HIVEP1: variants seen among roughly 807,000 people sequenced by gnomAD.
The protein encoded by HIVEP1 is zinc finger protein 40.
HIVEP1 carries 36 observed loss-of-function variants against 180.0 expected under a neutral mutation model. The ratio of observed to expected loss-of-function variants is 0.20; its 90% CI spans 0.15 to 0.26. HIVEP1 has a LOEUF of 0.26. Among genes scored for constraint, HIVEP1 ranks in the 10% least tolerant of loss-of-function variants. The pLI is 1.00. For synonymous variants in HIVEP1, 1,239 were observed against 1,239.0 expected (o/e 1.00, Z 0.00); for missense variants, 3,143 against 3,268.7 (o/e 0.96, Z 0.94).
At chr6:12,060,861 TTAAG>T (rs1206104261) in intron 2 of HIVEP1, among the ~76,000 whole-genome samples, 3 of 152,074 alleles carry the variant, frequency 2.0e-5, no homozygotes, top group Non-Finnish European at 4.4e-5. Flanking sequence ...AAGAAGGAAA[TTAAG>T]TAGGGAGGGA....
chr6:12,125,791 T>C lies in HIVEP1; in HGVS notation c.5996T>C (p.Leu1999Pro), dbSNP rs1173756904. The C allele has an allele frequency of 1.2e-6, 2 of 1,613,812 alleles. No homozygotes were observed. The part of the protein sequence containing the change: ...LNSKQNTGKS[L>P]YCQAITTHSK... ...TCAAAACAGAACACTGGAAAATCAC[T>C]ATACTGTCAAGCAATAACTACCCAT... The change falls in exon 4 of 9, where the codon CTA becomes CCA. Residue 1999 changes from leucine (L) to proline (P), a missense_variant. By Grantham distance (98) the Leu-to-Pro change is moderately conservative (BLOSUM62 -3). Transcript: ENST00000379388.
intron 2 of HIVEP1, among the ~76,000 whole-genome samples, chr6:12,031,545 CA>C (rs1313132297): frequency 6.6e-6 from 1 of 152,184 alleles, no homozygotes; most frequent in African/African-American, 2.4e-5. Flanking sequence ...GACTGTGCTC[CA>C]AATCTGGTGA....
chr6:12,109,762 CCTCCT>C (rs1774765549), intron 3 of HIVEP1, among the ~76,000 whole-genome samples: 1 of 152,182 alleles, frequency 6.6e-6, no homozygotes, highest in African/African-American at 2.4e-5. Flanking sequence ...GCCATTTTGA[CCTCCT>C]CTCATCAATC....
chr6:12,102,169 C>T (rs114424920), intron 3 of HIVEP1, among the ~76,000 whole-genome samples: 1,604 of 152,116 alleles, frequency 0.011, 29 homozygotes, highest in African/African-American at 0.036. Flanking sequence ...TTCATTACCC[C>T]ACTGTTAACA....
At chr6:12,077,743 A>G (rs973455702) in intron 2 of HIVEP1, among the ~76,000 whole-genome samples, 5 of 152,246 alleles carry the variant, frequency 3.3e-5, no homozygotes, top group Admixed American at 2.0e-4. Context: ...TGAGACTTCT[A>G]GAAGAAATGT....
At chr6:12,145,118 C>T (rs542124535) in intron 7 of HIVEP1, among the ~76,000 whole-genome samples, 19 of 152,302 alleles carry the variant, frequency 1.2e-4, no homozygotes, top group African/African-American at 4.3e-4. Context: ...TTGGAACCAA[C>T]CCAGATGTCC....
chr6:12,096,054 A>C (rs2113367723), intron 3 of HIVEP1, among the ~76,000 whole-genome samples: 1 of 151,932 alleles, frequency 6.6e-6, no homozygotes, highest in African/African-American at 2.4e-5. Context: ...ATTTTTTTTT[A>C]ACATTATTTT....
At chr6:12,113,962 A>G (rs979483436) in intron 3 of HIVEP1, among the ~76,000 whole-genome samples, 3 of 152,056 alleles carry the variant, frequency 2.0e-5, no homozygotes, top group African/African-American at 7.3e-5. Flanking sequence ...TAATTTTTAA[A>G]TTTGTTTTAT....
the HIVEP1 span, among the ~76,000 whole-genome samples, chr6:12,176,022 G>A: frequency 1.2e-4 from 18 of 152,236 alleles, no homozygotes; most frequent in South Asian, 3.5e-3. Flanking sequence ...CTGAGGCTGC[G>A]AGGAGCCCGT....
At chr6:12,174,747 T>C in the HIVEP1 span, among the ~76,000 whole-genome samples, 1 of 152,210 alleles carries the variant, frequency 6.6e-6, no homozygotes, top group East Asian at 1.9e-4. Context: ...ATAGATAACA[T>C]ATTTCCATGA....
chr6:12,160,236 A>G (rs1158103286), intron 7 of HIVEP1, among the ~76,000 whole-genome samples: 2 of 152,224 alleles, frequency 1.3e-5, no homozygotes, highest in African/African-American at 4.8e-5. Flanking sequence ...AGCTTATGAG[A>G]TTTTTGAAAC....
chr6:12,167,665 C>CATATACGTATATATGTT (rs1760752898), downstream of HIVEP1, among the ~76,000 whole-genome samples: 1 of 79,112 alleles, frequency 1.3e-5, no homozygotes, highest in Non-Finnish European at 2.1e-5. Context: ...GTTATATATA[C>CATATACGTATATATGTT]ATATATACAT....
intron 2 of HIVEP1, among the ~76,000 whole-genome samples, chr6:12,088,254 C>T (rs1446147805): frequency 6.6e-6 from 1 of 151,914 alleles, no homozygotes; most frequent in African/African-American, 2.4e-5. Flanking sequence ...TGAGCTGATG[C>T]GTTTATTTAA....
At position 12,120,885 on chromosome 6, in the gene HIVEP1, A is replaced by G; in HGVS notation, c.1090A>G (p.Asn364Asp). The G allele has an allele frequency of 1.9e-6, 3 of 1,614,220 alleles. No homozygotes were observed. Among genetic ancestry groups the G allele is most frequent in the Non-Finnish European group, 1.7e-6 (2 of 1,180,042 alleles). ...TTCACCTTTGTCAATAAGTCCGGCT[A>G]ATTCTACACAGTCGCCCCCCATGCC... ...SASPLSISPA[N>D]STQSPPMPIY... Residue 364 changes from asparagine (N) to aspartate (D), a missense_variant, in exon 4 of 9, where the codon AAT becomes GAT. Physicochemically the swap from Asn to Asp is conservative, Grantham distance 23. This residue lies in a region of HIVEP1 where 306 missense variants were observed against 310.6 expected (regional missense o/e 0.99). Coordinates refer to ENST00000379388, the MANE Select transcript of HIVEP1 (RefSeq NM_002114.4).
the HIVEP1 span, among the ~76,000 whole-genome samples, chr6:12,202,964 T>G: frequency 1.3e-5 from 2 of 152,254 alleles, no homozygotes; most frequent in African/African-American, 4.8e-5. Flanking sequence ...AAACACAGAA[T>G]GTGCATTTGT....
intron 8 of HIVEP1, among the ~76,000 whole-genome samples, chr6:12,162,222 T>TAAAA (rs67198436): frequency 6.8e-6 from 1 of 146,026 alleles, no homozygotes; most frequent in Non-Finnish European, 1.5e-5. Flanking sequence ...TTTTTGAAAT[T>TAAAA]AAAAAAAAAA....
the HIVEP1 span, among the ~76,000 whole-genome samples, chr6:12,205,253 T>C: frequency 2.6e-5 from 4 of 152,204 alleles, no homozygotes; most frequent in South Asian, 2.1e-4. Context: ...GGGTGGATCT[T>C]GAGGTCGGGA....
intron 2 of HIVEP1, among the ~76,000 whole-genome samples, chr6:12,019,149 G>T (rs1768025218): frequency 1.3e-5 from 2 of 152,292 alleles, no homozygotes; most frequent in African/African-American, 4.8e-5. Flanking sequence ...ATGGGGAAGG[G>T]GAAGACTTCA....
intron 8 of HIVEP1, 28 bp from the exon 9 acceptor site, chr6:12,163,255 A>G (rs780955560): frequency 1.9e-6 from 3 of 1,550,634 alleles, no homozygotes; most frequent in East Asian, 4.5e-5. Context: ...GACCTGTCAT[A>G]AAAGGATTGC....
Sources: allele counts gnomAD v4.1 joint callset (sites outside exome capture counted in the v4.1 genomes callset), GRCh38; gene constraint gnomAD v4.1.1; regional missense constraint gnomAD v4.1.1; transcripts MANE v1.5; gene names NCBI Gene and HGNC (gene_info 2026-07-23, HGNC 2026-07-21).